DGKI: variants seen among roughly 807,000 people sequenced by gnomAD.
DGKI encodes diacylglycerol kinase iota, also known as DAG kinase iota.
In DGKI, 55 loss-of-function variants were observed where a neutral mutation model predicts 147.5. The observed-to-expected ratio is 0.37, with a 90% CI of 0.30 to 0.47. The LOEUF (loss-of-function observed/expected upper bound fraction) is 0.47. DGKI is among the 20% of genes least tolerant of loss of function. DGKI has a pLI of 1.00. For synonymous variants in DGKI, 469 were observed against 477.1 expected, an observed-to-expected ratio of 0.98 and a Z score of 0.22; for missense variants, 1,007 against 1,323.8, an observed-to-expected ratio of 0.76 and a Z score of 3.71.
At chr7:137,765,845 G>T (rs1300933289) in intron 1 of DGKI, among the ~76,000 whole-genome samples, 1 of 152,168 alleles carries the variant, frequency 6.6e-6, no homozygotes, top group Non-Finnish European at 1.5e-5. Flanking sequence ...GCTAAAGAGA[G>T]AAAGGAGACA....
intron 2 of DGKI, among the ~76,000 whole-genome samples, chr7:137,685,045 A>G (rs1199366650): frequency 6.6e-6 from 1 of 152,170 alleles, no homozygotes; most frequent in Non-Finnish European, 1.5e-5. Context: ...CCAATCCCAC[A>G]TGAAGACTCT....
intron 19 of DGKI, among the ~76,000 whole-genome samples, chr7:137,557,651 T>C (rs1818270562): frequency 6.6e-6 from 1 of 152,166 alleles, no homozygotes. Context: ...TCAATCAGTG[T>C]CTGGCAATAG....
rs577723430 is a variant in DGKI at position 137,719,863 on chromosome 7, C to T, written c.402-29861G>A. Among the ~76,000 whole-genome samples, 10 of 152,098 alleles carry T rather than the reference C, an allele frequency of 6.6e-5. 1 individual carries two copies. Among genetic ancestry groups the T allele is most frequent in the African/African-American group, 2.2e-4 (9 of 41,490 alleles). ...TTCCAATTCTAAATTCACCTAAAATCCAAGGAAGTTCTGAATAAAAAAAGA... is the reference window on the plus strand; with the variant it reads ...TTCCAATTCTAAATTCACCTAAAATTCAAGGAAGTTCTGAATAAAAAAAGA... On this transcript the variant is annotated intron_variant, in intron 1 of 32. Coordinates refer to ENST00000614521, the MANE Select transcript of DGKI (RefSeq NM_001321708.2).
At chr7:137,746,417 T>C (rs1795333653) in intron 1 of DGKI, among the ~76,000 whole-genome samples, 1 of 152,192 alleles carries the variant, frequency 6.6e-6, no homozygotes, top group Non-Finnish European at 1.5e-5. Flanking sequence ...ATGAATAATC[T>C]AGATTTAGAG....
chr7:137,680,472 C>T (rs1418331788), intron 2 of DGKI, among the ~76,000 whole-genome samples: 1 of 152,146 alleles, frequency 6.6e-6, no homozygotes, highest in African/African-American at 2.4e-5. Context: ...AAGCTTAGTA[C>T]AGCAAAGCAG....
At chr7:137,766,982 T>G (rs995393328) in intron 1 of DGKI, among the ~76,000 whole-genome samples, 1 of 152,124 alleles carries the variant, frequency 6.6e-6, no homozygotes, top group African/African-American at 2.4e-5. Flanking sequence ...AGATCTGTGA[T>G]CCTAGGCCAC....
chr7:137,689,364 A>G (rs972252544), intron 2 of DGKI, among the ~76,000 whole-genome samples: 6 of 152,238 alleles, frequency 3.9e-5, no homozygotes, highest in African/African-American at 7.2e-5. Context: ...AGTCAAGTTA[A>G]TAGTTTTTGT....
At chr7:137,797,823 A>C (rs1374561451) in intron 1 of DGKI, among the ~76,000 whole-genome samples, 1 of 152,116 alleles carries the variant, frequency 6.6e-6, no homozygotes, top group African/African-American at 2.4e-5. Context: ...AAGAAAAACT[A>C]AACCAAAAGC....
intron 1 of DGKI, among the ~76,000 whole-genome samples, chr7:137,788,973 C>G (rs1158582162): frequency 2.0e-5 from 3 of 152,086 alleles, no homozygotes; most frequent in African/African-American, 7.2e-5. Context: ...AAGCAAATTG[C>G]TCAATAAGTA....
chr7:137,729,748 G>T (rs1794815987), intron 1 of DGKI, among the ~76,000 whole-genome samples: 1 of 152,014 alleles, frequency 6.6e-6, no homozygotes. Context: ...TAAGAGTGAG[G>T]TCTGTATCTT....
chr7:137,420,992 C>G (rs1026139066), intron 28 of DGKI, among the ~76,000 whole-genome samples: 1 of 152,002 alleles, frequency 6.6e-6, no homozygotes, highest in Non-Finnish European at 1.5e-5. Context: ...GCACTCCAGC[C>G]TGAGTGACAG....
intron 21 of DGKI, among the ~76,000 whole-genome samples, chr7:137,507,524 T>C (rs1015515405): frequency 2.0e-5 from 3 of 152,232 alleles, no homozygotes; most frequent in Non-Finnish European, 4.4e-5. Context: ...ATGGCATTGA[T>C]AATCTTGAAG....
In DGKI at chr7:137,415,499, A is replaced by G. The variant is rs373893977; in HGVS notation, c.2762-3292T>C. ...AGGGGTCCTGGAACTAATCCCCCAC[A>G]GATACTGAGTAACAGCTGTATTAGC... On this transcript the variant is annotated intron_variant, in intron 28 of 32. Transcript: ENST00000614521. Among the ~76,000 whole-genome samples the G allele has an allele frequency of 2.0e-3, 305 of 152,336 alleles. 1 individual carries two copies. The highest frequency in any genetic ancestry group is 6.9e-3 in the African/African-American group (286 of 41,566).
chr7:137,604,558 A>G (rs1820104731), intron 10 of DGKI, among the ~76,000 whole-genome samples: 1 of 152,064 alleles, frequency 6.6e-6, no homozygotes, highest in Admixed American at 6.6e-5. Context: ...CTCTTCCTCG[A>G]TCACCCTACT....
At chr7:137,490,323 G>A (rs1201839420) in intron 21 of DGKI, among the ~76,000 whole-genome samples, 1 of 152,106 alleles carries the variant, frequency 6.6e-6, no homozygotes, top group Non-Finnish European at 1.5e-5. Flanking sequence ...ACGGTGTTTA[G>A]AATAGATGTC....
At chr7:137,633,357 C>A (rs1040182005) in intron 6 of DGKI, among the ~76,000 whole-genome samples, 1 of 152,124 alleles carries the variant, frequency 6.6e-6, no homozygotes, top group African/African-American at 2.4e-5. Context: ...TGGCACAACC[C>A]CAAGACTGGT....
intron 1 of DGKI, among the ~76,000 whole-genome samples, chr7:137,782,118 C>T (rs1471670242): frequency 6.6e-6 from 1 of 152,114 alleles, no homozygotes; most frequent in Non-Finnish European, 1.5e-5. Context: ...CGAACTAGAT[C>T]ACCTCTGCAG....
intron 23 of DGKI, among the ~76,000 whole-genome samples, chr7:137,471,389 C>T (rs967333967): frequency 6.6e-6 from 1 of 152,160 alleles, no homozygotes; most frequent in Non-Finnish European, 1.5e-5. Context: ...ACAGGAATAA[C>T]ATAGAAGAAG....
intron 8 of DGKI, among the ~76,000 whole-genome samples, chr7:137,612,143 A>G (rs1351127225): frequency 1.3e-5 from 2 of 151,992 alleles, no homozygotes; most frequent in Non-Finnish European, 2.9e-5. Flanking sequence ...AGAAAAACAC[A>G]TTAAAGTAAG....
Sources: gnomAD v4.1 joint callset for allele counts (sites outside exome capture counted in the v4.1 genomes callset) on GRCh38, gnomAD v4.1.1 for gene constraint, MANE v1.5 for transcripts, NCBI Gene and HGNC (gene_info 2026-07-23, HGNC 2026-07-21) for gene names.